NRG3: variants seen among roughly 807,000 people sequenced by gnomAD.
NRG3 encodes neuregulin 3.
NRG3 carries 31 observed loss-of-function variants against 66.9 expected under a neutral mutation model. The ratio of observed to expected loss-of-function variants is 0.46; its 90% CI spans 0.35 to 0.63. The LOEUF is 0.63. Ranked by LOEUF, NRG3 falls within the 20% of genes least tolerant of loss-of-function variation. NRG3 has a pLI of 0.00. For missense variants in NRG3, 910 were observed against 878.9 expected (o/e 1.04, Z -0.45); for synonymous variants, 393 against 359.4 (o/e 1.09, Z -1.06).
At chr10:82,333,974 G>A (rs928739355) in intron 1 of NRG3, among the ~76,000 whole-genome samples, 1 of 151,988 alleles carries the variant, frequency 6.6e-6, no homozygotes, top group African/African-American at 2.4e-5. Flanking sequence ...CGGATCACGA[G>A]GTCAGGAGAT....
chr10:82,852,833 CCAAGA>C (rs1211798775), intron 3 of NRG3, among the ~76,000 whole-genome samples: 4 of 152,068 alleles, frequency 2.6e-5, no homozygotes, highest in African/African-American at 9.7e-5. Context: ...TAGAAAGTTA[CCAAGA>C]CTAGAGGAGA....
chr10:82,457,725 C>T (rs149875885), intron 2 of NRG3, among the ~76,000 whole-genome samples: 1 of 152,282 alleles, frequency 6.6e-6, no homozygotes, highest in Non-Finnish European at 1.5e-5. Context: ...ACTGGGAGCA[C>T]AGAAGATCCC....
chr10:81,911,727 CCACACA>C (rs112669396), intron 1 of NRG3, among the ~76,000 whole-genome samples: 44 of 145,948 alleles, frequency 3.0e-4, no homozygotes, highest in Non-Finnish European at 5.1e-4. Context: ...TTCCCCGTTA[CCACACA>C]CACACACACA....
intron 1 of NRG3, among the ~76,000 whole-genome samples, chr10:82,235,337 G>A (rs1289303301): frequency 1.3e-5 from 2 of 152,226 alleles, no homozygotes; most frequent in African/African-American, 4.8e-5. Context: ...GTTTGCCAAT[G>A]TCTGGACTAG....
intron 1 of NRG3, among the ~76,000 whole-genome samples, chr10:81,909,325 T>G (rs1430137005): frequency 1.3e-5 from 2 of 152,202 alleles, no homozygotes; most frequent in East Asian, 3.8e-4. Flanking sequence ...AAAGGCCCCA[T>G]TTTCAAATAA....
chr10:82,572,579 C>G (rs1206642794), intron 2 of NRG3, among the ~76,000 whole-genome samples: 1 of 150,422 alleles, frequency 6.6e-6, no homozygotes, highest in African/African-American at 2.4e-5. Context: ...AAGAAAAATT[C>G]AATCAGGTGG....
At chr10:82,453,790 A>G (rs1016880709) in intron 2 of NRG3, among the ~76,000 whole-genome samples, 1 of 152,034 alleles carries the variant, frequency 6.6e-6, no homozygotes, top group African/African-American at 2.4e-5. Flanking sequence ...TATTCAACAG[A>G]GAGAAGGTTA....
rs555894651 is a variant in NRG3, at chr10:82,360,978, A to T, written c.953+2110A>T. ...CCATATTAGATTAGATCACATCCTC[A>T]TTACCTTATTTTAACTTCATTACTT... On this transcript the variant is annotated intron_variant, in intron 2 of 8. Transcript: ENST00000372141. Among the ~76,000 whole-genome samples, 13 of 152,256 alleles carry T rather than the reference A, an allele frequency of 8.5e-5. 1 individual carries two copies. In the Middle Eastern group the frequency reaches 0.02, roughly 239 times the overall value.
At chr10:82,535,166 T>C (rs190473128) in intron 2 of NRG3, among the ~76,000 whole-genome samples, 83 of 147,104 alleles carry the variant, frequency 5.6e-4, no homozygotes, top group African/African-American at 2.0e-3. Flanking sequence ...TCTGAGAAGG[T>C]CCCACACCTC....
chr10:82,694,927 C>T (rs1199026773), intron 2 of NRG3, among the ~76,000 whole-genome samples: 1 of 152,076 alleles, frequency 6.6e-6, no homozygotes, highest in African/African-American at 2.4e-5. Flanking sequence ...CATAAGACAA[C>T]ATCAATAGGA....
At chr10:82,412,840 AAC>A (rs2088207903) in intron 2 of NRG3, among the ~76,000 whole-genome samples, 2 of 151,812 alleles carry the variant, frequency 1.3e-5, no homozygotes, top group African/African-American at 4.9e-5. Flanking sequence ...CTAACAAACA[AAC>A]AAAAAAACAC....
rs149098828 is a variant in NRG3 at position 81,965,338 on chromosome 10, A to G, written c.823+89175A>G. On this transcript the variant is annotated intron_variant, in intron 1 of 8. Coordinates refer to ENST00000372141, the MANE Select transcript of NRG3 (RefSeq NM_001010848.4). The stretch of plus-strand genomic sequence containing the variant: ...GATGTGGGGACTTAGACAAATTCTT[A>G]TCAGATGTGTAATATAGATCCAGGC... Among the ~76,000 whole-genome samples the G allele has an allele frequency of 5.4e-3, 828 of 152,346 alleles. 15 individuals are homozygous for G. The highest frequency in any genetic ancestry group is 0.018 in the African/African-American group (761 of 41,568).
At chr10:82,682,946 A>ATTT (rs71009814) in intron 2 of NRG3, among the ~76,000 whole-genome samples, 6 of 65,352 alleles carry the variant, frequency 9.2e-5, no homozygotes, top group African/African-American at 1.9e-4. Context: ...CCATGTCTTA[A>ATTT]TTTTTTTTTT....
intron 1 of NRG3, among the ~76,000 whole-genome samples, chr10:82,057,213 C>T (rs1435739915): frequency 1.3e-5 from 2 of 152,022 alleles, no homozygotes; most frequent in African/African-American, 4.8e-5. Flanking sequence ...TAAGCCATAT[C>T]TGATAGTCTT....
At chr10:82,239,299 G>A (rs2076903097) in intron 1 of NRG3, among the ~76,000 whole-genome samples, 1 of 152,016 alleles carries the variant, frequency 6.6e-6, no homozygotes, top group Non-Finnish European at 1.5e-5. Context: ...GGGACCATAG[G>A]CATGTGTCAC....
intron 1 of NRG3, among the ~76,000 whole-genome samples, chr10:81,954,807 A>G (rs1367123183): frequency 6.6e-6 from 1 of 152,184 alleles, no homozygotes; most frequent in African/African-American, 2.4e-5. Flanking sequence ...CTTCACAAGC[A>G]GTCCTGCTCA....
chr10:81,970,363 C>G (rs991543077), intron 1 of NRG3, among the ~76,000 whole-genome samples: 7 of 152,106 alleles, frequency 4.6e-5, no homozygotes, highest in Non-Finnish European at 1.0e-4. Context: ...TAGTGAAGTG[C>G]AAAATAATTG....
chr10:82,649,012 A>G (rs1207923267), intron 2 of NRG3, among the ~76,000 whole-genome samples: 1 of 152,176 alleles, frequency 6.6e-6, no homozygotes, highest in East Asian at 1.9e-4. Context: ...CCCACAGCCA[A>G]TATCATACCG....
intron 2 of NRG3, among the ~76,000 whole-genome samples, chr10:82,647,951 G>C (rs2051087505): frequency 6.8e-6 from 1 of 146,898 alleles, no homozygotes; most frequent in South Asian, 2.3e-4. Context: ...CCATTTTGTA[G>C]GTTGCCTGTT....
Sources: allele counts gnomAD v4.1 joint callset (sites outside exome capture counted in the v4.1 genomes callset), GRCh38; gene constraint gnomAD v4.1.1; transcripts MANE v1.5; gene names NCBI Gene and HGNC (gene_info 2026-07-23, HGNC 2026-07-21).